Variants in HIGD1A observed in about 807,000 individuals in gnomAD.
HIGD1A encodes the protein HIG1 domain family member 1A, mitochondrial.
Under a neutral mutation model 11.3 loss-of-function variants are expected in HIGD1A, and 8 were observed. That is an observed-to-expected ratio of 0.71 (90% CI 0.42 to 1.28). The LOEUF is 1.28. Among genes scored for constraint, HIGD1A ranks in the 50% most tolerant of loss-of-function variants. The probability of loss-of-function intolerance (pLI) is 0.01; values close to 1 mark genes in which losing one functional copy is unlikely to be tolerated. For missense variants in HIGD1A, 107 were observed against 118.8 expected (o/e 0.90, Z 0.46); for synonymous variants, 32 against 38.4 (o/e 0.83, Z 0.62).
At chr3:42,787,555 C>A (rs1173059613) in intron 2 of HIGD1A, among the ~76,000 whole-genome samples, 2 of 146,078 alleles carry the variant, frequency 1.4e-5, no homozygotes, top group Non-Finnish European at 1.5e-5. Context: ...CACACCACTG[C>A]ACTCCAGCCT....
chr3:42,801,301 C>T (rs1351848740), intron 1 of HIGD1A, among the ~76,000 whole-genome samples: 2 of 152,194 alleles, frequency 1.3e-5, no homozygotes, highest in Admixed American at 6.5e-5. Context: ...TCTTAATTGA[C>T]CTCCTCTCAG....
intron 1 of HIGD1A, 40 bp downstream of exon 1, chr3:42,804,396 C>T (rs912737280): frequency 1.9e-6 from 1 of 525,850 alleles, no homozygotes; most frequent in Non-Finnish European, 3.4e-6. Context: ...CCCCGCGGCC[C>T]GAGTCCCTGG....
chr3:42,800,055 G>A (rs141455046), intron 1 of HIGD1A, among the ~76,000 whole-genome samples: 3,570 of 152,164 alleles, frequency 0.023, 53 homozygotes, highest in Middle Eastern at 0.075. Flanking sequence ...GGGCAGGTGC[G>A]GTGGCTCATG....
chr3:42,793,977 GA>G (rs1700461162), intron 2 of HIGD1A, among the ~76,000 whole-genome samples, 179 bp downstream of exon 2: 1 of 149,158 alleles, frequency 6.7e-6, no homozygotes, highest in Non-Finnish European at 1.5e-5. Flanking sequence ...TCTCCAAAAA[GA>G]AAAAAAAAGT....
intron 2 of HIGD1A, among the ~76,000 whole-genome samples, chr3:42,793,598 T>C (rs554259917): frequency 2.4e-4 from 36 of 152,266 alleles, no homozygotes; most frequent in Non-Finnish European, 3.7e-4. Context: ...TTGAGTCTTA[T>C]GAGTCTTGGC....
At chr3:42,801,114 T>C (rs774030990) in intron 1 of HIGD1A, among the ~76,000 whole-genome samples, 3 of 152,250 alleles carry the variant, frequency 2.0e-5, no homozygotes, top group Non-Finnish European at 2.9e-5. Context: ...CAAAGTTGTT[T>C]ACAGGTTTGG....
At chr3:42,792,128 C>T (rs1174383540) in intron 2 of HIGD1A, among the ~76,000 whole-genome samples, 10 of 152,030 alleles carry the variant, frequency 6.6e-5, no homozygotes, top group Non-Finnish European at 1.3e-4. Context: ...CTTTCAGAGT[C>T]GGGATCATAG....
chr3:42,783,167 T>G lies in HIGD1A; in HGVS notation c.*2104A>C, dbSNP rs763500242. On this transcript the variant is annotated 3_prime_UTR_variant, in exon 4 of 4. Coordinates refer to ENST00000321331, the MANE Select transcript of HIGD1A (RefSeq NM_014056.4). The stretch of plus-strand genomic sequence containing the variant: ...AAGAAATGTGAGGATGACAACAGAA[T>G]GTAAATATTATATGTCCTCACAAGG... Among the ~76,000 whole-genome samples the G allele has an allele frequency of 5.9e-5, 9 of 152,168 alleles. No homozygotes were observed. Among genetic ancestry groups the G allele is most frequent in the Non-Finnish European group, 1.3e-4 (9 of 68,038 alleles).
chr3:42,794,053 C>T, intron 2 of HIGD1A, 104 bp downstream of exon 2: 1 of 1,134,374 alleles, frequency 8.8e-7, no homozygotes, highest in Non-Finnish European at 1.2e-6. Context: ...CATATTTCAA[C>T]ATAAGAAAAA....
intron 1 of HIGD1A, among the ~76,000 whole-genome samples, chr3:42,803,972 T>A (rs1053706364): frequency 6.6e-6 from 1 of 152,196 alleles, no homozygotes; most frequent in African/African-American, 2.4e-5. Context: ...TCTCTTCCTG[T>A]GACCTTGTCG....
intron 2 of HIGD1A, among the ~76,000 whole-genome samples, chr3:42,790,207 G>C (rs1041423896): frequency 6.6e-6 from 1 of 152,180 alleles, no homozygotes; most frequent in Non-Finnish European, 1.5e-5. Context: ...TCATCTAACT[G>C]TGTGTATAGG....
chr3:42,794,200 T>C lies in HIGD1A; in HGVS notation c.54A>G (p.Ser18=), dbSNP rs1278056200. ...SLPSYEEDQG[S]KLIRKAKEAP... is the part of the protein sequence containing the mutation. ...CCTCTTTAGCTTTTCGAATGAGTTT[T>C]GATCCCTGATCTTCCTCATATGAAG... Residue 18 remains serine (S), a synonymous_variant, in exon 2 of 4, where the codon TCA becomes TCG. Coordinates refer to ENST00000321331, the MANE Select transcript of HIGD1A (RefSeq NM_014056.4). 1 of 1,605,680 alleles carries C rather than the reference T, an allele frequency of 6.2e-7. No individual in the cohort carries two copies. The highest frequency in any genetic ancestry group is 8.5e-7 in the Non-Finnish European group (1 of 1,177,676).
rs537082087 is a variant in HIGD1A, at chr3:42,782,974, A to G, written c.*2297T>C. Among the ~76,000 whole-genome samples the G allele has an allele frequency of 1.5e-4, 23 of 152,380 alleles. No homozygotes were observed. The highest frequency in any genetic ancestry group is 5.3e-4 in the African/African-American group (22 of 41,592). On this transcript the variant is annotated 3_prime_UTR_variant, in exon 4 of 4. Transcript: ENST00000321331. ...ACTGAGAATTGTATTATCTAGCCAA[A>G]TTGTTTTTACTGTGTAAAGGCTACA...
At chr3:42,790,860 G>A (rs9882356) in intron 2 of HIGD1A, among the ~76,000 whole-genome samples, 4,767 of 152,086 alleles carry the variant, frequency 0.031, 253 homozygotes, top group African/African-American at 0.11. Flanking sequence ...GAGTTCAGTG[G>A]GTATTCGCAG....
chr3:42,789,277 T>C (rs1416873193), intron 2 of HIGD1A, among the ~76,000 whole-genome samples: 1 of 152,084 alleles, frequency 6.6e-6, no homozygotes, highest in African/African-American at 2.4e-5. Flanking sequence ...CCTGACCTCA[T>C]GATCTGCCTG....
intron 3 of HIGD1A, 31 bp downstream of exon 3, chr3:42,785,997 C>G: frequency 6.2e-7 from 1 of 1,609,914 alleles, no homozygotes; most frequent in East Asian, 2.2e-5. Context: ...TAATGAGAAA[C>G]GAAAATTTGA....
chr3:42,800,492 G>A (rs999115801), intron 1 of HIGD1A, among the ~76,000 whole-genome samples: 1 of 151,806 alleles, frequency 6.6e-6, no homozygotes, highest in Non-Finnish European at 1.5e-5. Flanking sequence ...CTTTGCACAA[G>A]CTGATTCCTC....
intron 2 of HIGD1A, among the ~76,000 whole-genome samples, chr3:42,788,913 G>T (rs1700384840): frequency 6.7e-6 from 1 of 149,114 alleles, no homozygotes; most frequent in South Asian, 2.1e-4. Flanking sequence ...CATGAGAAGA[G>T]AATTACAAAG....
chr3:42,803,757 C>T (rs559911341), intron 1 of HIGD1A, among the ~76,000 whole-genome samples: 3 of 152,340 alleles, frequency 2.0e-5, no homozygotes, highest in African/African-American at 7.2e-5. Context: ...CTAATTCTGC[C>T]CTTACGCTGT....
Sources: gnomAD v4.1 joint callset for allele counts (sites outside exome capture counted in the v4.1 genomes callset) on GRCh38, gnomAD v4.1.1 for gene constraint, MANE v1.5 for transcripts, NCBI Gene and HGNC (gene_info 2026-07-23, HGNC 2026-07-21) for gene names.